Variants in UNC5C observed in about 807,000 individuals in gnomAD.
UNC5C encodes the protein unc-5 netrin receptor C.
A neutral mutation model predicts 99.8 loss-of-function variants in UNC5C; 47 were observed. The observed-to-expected ratio is 0.47, with a 90% CI of 0.37 to 0.60. The LOEUF (loss-of-function observed/expected upper bound fraction) is 0.60, where lower values mean the gene tolerates loss of function less well. UNC5C is among the 20% of genes least tolerant of loss of function. UNC5C has a pLI of 0.00. For synonymous variants in UNC5C, 487 were observed against 452.2 expected (o/e 1.08, Z -0.98); for missense variants, 1,062 against 1,165.9 (o/e 0.91, Z 1.30).
At chr4:95,494,199 T>C (rs1349849035) in intron 1 of UNC5C, among the ~76,000 whole-genome samples, 3 of 151,558 alleles carry the variant, frequency 2.0e-5, no homozygotes, top group African/African-American at 7.3e-5. Context: ...TGAAGAGTGG[T>C]GCTATTTGGC....
chr4:95,177,190 A>C (rs540364081), intron 14 of UNC5C, among the ~76,000 whole-genome samples: 1 of 152,334 alleles, frequency 6.6e-6, no homozygotes, highest in African/African-American at 2.4e-5. Context: ...GAAATGCAGA[A>C]ATCACCCATC....
At chr4:95,402,807 T>C (rs1303881413) in intron 1 of UNC5C, among the ~76,000 whole-genome samples, 1 of 152,178 alleles carries the variant, frequency 6.6e-6, no homozygotes, top group African/African-American at 2.4e-5. Context: ...TAAATCCTAG[T>C]TCCTTGGCAG....
intron 1 of UNC5C, among the ~76,000 whole-genome samples, chr4:95,349,911 A>T (rs1175989614): frequency 2.0e-5 from 3 of 152,110 alleles, no homozygotes; most frequent in African/African-American, 7.2e-5. Context: ...ATATTGGTTG[A>T]TCACTTTCTA....
At chr4:95,507,737 C>T (rs1272358790) in intron 1 of UNC5C, among the ~76,000 whole-genome samples, 1 of 152,018 alleles carries the variant, frequency 6.6e-6, no homozygotes, top group African/African-American at 2.4e-5. Context: ...ATGCTGACAT[C>T]ATTTCCAACT....
intron 1 of UNC5C, among the ~76,000 whole-genome samples, chr4:95,512,586 T>C (rs1578202710): frequency 6.6e-6 from 1 of 152,164 alleles, no homozygotes; most frequent in South Asian, 2.1e-4. Flanking sequence ...TTCATATGAA[T>C]AACTAAATGA....
chr4:95,206,409 T>A (rs772113941), intron 11 of UNC5C, among the ~76,000 whole-genome samples: 5 of 152,164 alleles, frequency 3.3e-5, no homozygotes, highest in Non-Finnish European at 7.3e-5. Flanking sequence ...GCACCTTTCC[T>A]ATGAGTTATC....
chr4:95,515,933 G>A (rs1049788190), intron 1 of UNC5C, among the ~76,000 whole-genome samples: 1 of 152,118 alleles, frequency 6.6e-6, no homozygotes, highest in South Asian at 2.1e-4. Context: ...TAATGATGTG[G>A]TATTTTGTAT....
At chr4:95,484,069 C>T (rs1047467983) in intron 1 of UNC5C, among the ~76,000 whole-genome samples, 34 of 151,618 alleles carry the variant, frequency 2.2e-4, no homozygotes, top group African/African-American at 7.7e-4. Flanking sequence ...TTAAAAAAAC[C>T]ATATTGGTTA....
At chr4:95,484,655 T>C (rs1721273602) in intron 1 of UNC5C, among the ~76,000 whole-genome samples, 2 of 151,850 alleles carry the variant, frequency 1.3e-5, no homozygotes, top group African/African-American at 4.8e-5. Context: ...TCCTTACCCA[T>C]GCAAACATAA....
At chr4:95,323,719 A>G (rs1205746856) in intron 2 of UNC5C, among the ~76,000 whole-genome samples, 1 of 152,178 alleles carries the variant, frequency 6.6e-6, no homozygotes, top group Non-Finnish European at 1.5e-5. Context: ...ATTCTGTGAA[A>G]AAGATTACAG....
At chr4:95,206,819 C>T (rs201375929) in intron 10 of UNC5C, 23 bp from the exon 11 acceptor site, 26 of 1,523,202 alleles carry the variant, frequency 1.7e-5, no homozygotes, top group Non-Finnish European at 2.1e-5. Flanking sequence ...CAGAGAATGG[C>T]TTCAGTGACA....
chr4:95,336,454 A>AT (rs1249439402), intron 1 of UNC5C, among the ~76,000 whole-genome samples: 1 of 151,866 alleles, frequency 6.6e-6, no homozygotes, highest in Non-Finnish European at 1.5e-5. Context: ...CAAAATTAAA[A>AT]TTTTTTTACA....
intron 1 of UNC5C, among the ~76,000 whole-genome samples, chr4:95,348,871 G>C (rs1743877323): frequency 6.7e-6 from 1 of 150,304 alleles, no homozygotes; most frequent in Non-Finnish European, 1.5e-5. Flanking sequence ...GGTACAGAAA[G>C]ACAAACTTCA....
chr4:95,304,037 G>C lies in UNC5C; in HGVS notation c.347-2288C>G, dbSNP rs141458143. ...CAACTACCCAATGGGAGTAGGAGCT[G>C]TCCCACTGGGGGAACAAACAATATT... On this transcript the variant is annotated intron_variant, in intron 2 of 15. Transcript: ENST00000453304. 8.5e-4 allele frequency among the ~76,000 whole-genome samples: 129 copies of C among 152,242 alleles called. 3 individuals are homozygous for C. The East Asian group carries it at 0.023, about 28-fold the overall frequency.
intron 1 of UNC5C, among the ~76,000 whole-genome samples, chr4:95,425,468 C>G (rs1016758445): frequency 2.0e-5 from 3 of 152,220 alleles, no homozygotes; most frequent in African/African-American, 7.2e-5. Context: ...ACTACAGGCG[C>G]TCGCCACCAC....
intron 10 of UNC5C, among the ~76,000 whole-genome samples, chr4:95,207,294 A>T (rs1243263811): frequency 6.6e-6 from 1 of 152,220 alleles, no homozygotes; most frequent in Admixed American, 6.5e-5. Context: ...ACTTTCAGGA[A>T]TAATTTAGGC....
chr4:95,353,385 ATATC>A (rs1744057176), intron 1 of UNC5C, among the ~76,000 whole-genome samples: 1 of 152,056 alleles, frequency 6.6e-6, no homozygotes, highest in South Asian at 2.1e-4. Context: ...TAATCTAACC[ATATC>A]TATCTATATC....
At chr4:95,521,270 T>A (rs962174029) in intron 1 of UNC5C, among the ~76,000 whole-genome samples, 3 of 146,118 alleles carry the variant, frequency 2.1e-5, no homozygotes, top group East Asian at 4.1e-4. Context: ...CAGGCTGGAG[T>A]GCAATGGCGT....
At chr4:95,409,919 A>G (rs975495339) in intron 1 of UNC5C, among the ~76,000 whole-genome samples, 7 of 152,130 alleles carry the variant, frequency 4.6e-5, no homozygotes, top group South Asian at 2.1e-4. Flanking sequence ...CCTGACATCA[A>G]TGAGGGGCTT....
Sources: allele counts gnomAD v4.1 joint callset (sites outside exome capture counted in the v4.1 genomes callset), GRCh38; gene constraint gnomAD v4.1.1; transcripts MANE v1.5; gene names NCBI Gene and HGNC (gene_info 2026-07-23, HGNC 2026-07-21).